Variants in DACH2 observed in about 807,000 individuals in gnomAD.
The protein encoded by DACH2 is dachshund family transcription factor 2.
A neutral mutation model predicts 35.8 loss-of-function variants in DACH2; 17 were observed. That is an observed-to-expected ratio of 0.48 (90% CI 0.33 to 0.71). DACH2 has a LOEUF of 0.71. DACH2 is among the 30% of genes least tolerant of loss of function. The pLI, the probability that DACH2 is intolerant of heterozygous loss-of-function variation, is 0.02. For synonymous variants in DACH2, 195 were observed against 177.3 expected (o/e 1.10, Z -0.79); for missense variants, 469 against 472.7 (o/e 0.99, Z 0.07).
chrX:86,722,525 T>TA (rs1367205790), intron 6 of DACH2, among the ~76,000 whole-genome samples: 1 of 109,412 alleles, frequency 9.1e-6, no homozygotes, highest in African/African-American at 3.3e-5. Context: ...ATGTGTTTTT[T>TA]TTTTTATTTT....
chrX:86,564,010 C>T (rs889516447), intron 3 of DACH2, among the ~76,000 whole-genome samples: 1 of 110,639 alleles, frequency 9.0e-6, no homozygotes, highest in African/African-American at 3.3e-5. Flanking sequence ...ATATGTACTA[C>T]ATCAATATAT....
chrX:86,220,185 AAAAAAAT>A lies in DACH2; in HGVS notation c.488+71078_488+71084del, dbSNP rs1410305035. Among the ~76,000 whole-genome samples the A allele has an allele frequency of 2.5e-4, 23 of 92,027 alleles. No individual in the cohort carries two copies. The South Asian group carries it at 5.6e-3, about 22-fold the overall frequency. The allele number at this position is 92,027 out of a possible 115,157, so 79.9% of individuals were successfully genotyped here. On this transcript the variant is annotated intron_variant, in intron 1 of 11. Transcript: ENST00000373125. ...CATCTCAAAAAAAAAAAAAAAAAAA[AAAAAAAT>A]TTCCCTCCCCTTTGTTGTGCATGTG...
intron 1 of DACH2, among the ~76,000 whole-genome samples, chrX:86,257,024 A>G (rs2033533461): frequency 8.9e-6 from 1 of 112,166 alleles, no homozygotes; most frequent in African/African-American, 3.2e-5. Flanking sequence ...AATTAGGATC[A>G]TAAGCTTTAC....
At chrX:86,635,328 TAAAA>T (rs77223425) in intron 3 of DACH2, among the ~76,000 whole-genome samples, 13,288 of 86,152 alleles carry the variant, frequency 0.15, 943 homozygotes, top group East Asian at 0.34. Context: ...TCCATAGTGT[TAAAA>T]AAAAAAAAAA....
chrX:86,401,835 C>A (rs1176074121), intron 2 of DACH2, among the ~76,000 whole-genome samples: 6 of 110,883 alleles, frequency 5.4e-5, no homozygotes, highest in African/African-American at 1.6e-4. Flanking sequence ...AGTTAATTTA[C>A]CACAATAAGG....
At chrX:86,181,267 T>C (rs1206712956) in intron 1 of DACH2, among the ~76,000 whole-genome samples, 1 of 110,062 alleles carries the variant, frequency 9.1e-6, no homozygotes, top group Non-Finnish European at 1.9e-5. Context: ...ACACATGCCA[T>C]GGTGGTTTGC....
At chrX:86,687,543 C>T (rs746541247) in intron 4 of DACH2, among the ~76,000 whole-genome samples, 1 of 111,767 alleles carries the variant, frequency 8.9e-6, no homozygotes, top group Admixed American at 9.5e-5. Flanking sequence ...CATTAGTGGG[C>T]ATATACCCAA....
At chrX:86,641,092 T>G (rs1198837761) in intron 3 of DACH2, among the ~76,000 whole-genome samples, 1 of 111,912 alleles carries the variant, frequency 8.9e-6, no homozygotes, top group East Asian at 2.8e-4. Context: ...CAAGAGTTCT[T>G]AACAAGGCAA....
intron 7 of DACH2, among the ~76,000 whole-genome samples, chrX:86,809,245 A>G (rs2042373304): frequency 9.0e-6 from 1 of 111,655 alleles, no homozygotes; most frequent in Non-Finnish European, 1.9e-5. Flanking sequence ...CAGCTTTTTA[A>G]ATAAAAAAAA....
At chrX:86,571,471 C>G (rs1454847295) in intron 3 of DACH2, among the ~76,000 whole-genome samples, 1 of 109,510 alleles carries the variant, frequency 9.1e-6, no homozygotes, top group Non-Finnish European at 1.9e-5. Flanking sequence ...CAACAGTCCC[C>G]GGTGTGTGAT....
At chrX:86,394,409 A>T (rs917572616) in intron 2 of DACH2, among the ~76,000 whole-genome samples, 2 of 111,731 alleles carry the variant, frequency 1.8e-5, no homozygotes, top group Non-Finnish European at 3.8e-5. Flanking sequence ...AAGAATATCA[A>T]TTGTTTTATG....
intron 2 of DACH2, among the ~76,000 whole-genome samples, chrX:86,498,009 A>C (rs1186738968): frequency 9.0e-6 from 1 of 111,385 alleles, no homozygotes; most frequent in African/African-American, 3.3e-5. Context: ...AAAAAAGTCA[A>C]TTATATACAA....
chrX:86,382,458 TCATACACACACACA>T (rs1252168374), intron 2 of DACH2, among the ~76,000 whole-genome samples: 2 of 58,540 alleles, frequency 3.4e-5, no homozygotes, highest in African/African-American at 1.0e-4. Context: ...TATGCTACAT[TCATACACACACACA>T]CACACACACA....
chrX:86,431,794 C>G (rs1258586652), intron 2 of DACH2, among the ~76,000 whole-genome samples: 1 of 111,560 alleles, frequency 9.0e-6, no homozygotes, highest in Non-Finnish European at 1.9e-5. Context: ...TAGACAGTGG[C>G]TATTTTGAAT....
intron 11 of DACH2, among the ~76,000 whole-genome samples, chrX:86,827,608 C>T (rs1265952069): frequency 9.0e-6 from 1 of 111,714 alleles, no homozygotes; most frequent in African/African-American, 3.2e-5. Flanking sequence ...TAAAATAATA[C>T]ATTAATTGCG....
At chrX:86,154,360 C>G (rs2030470742) in intron 1 of DACH2, among the ~76,000 whole-genome samples, 1 of 111,205 alleles carries the variant, frequency 9.0e-6, no homozygotes, top group Non-Finnish European at 1.9e-5. Context: ...AAACCTTTCC[C>G]TCAAAGCAAA....
chrX:86,764,663 C>T (rs1201487104), intron 7 of DACH2, among the ~76,000 whole-genome samples: 1 of 111,348 alleles, frequency 9.0e-6, no homozygotes, highest in Non-Finnish European at 1.9e-5. Flanking sequence ...CATGTCTCTG[C>T]TCTTGTGAAT....
chrX:86,309,829 C>T (rs2034761796), intron 1 of DACH2, among the ~76,000 whole-genome samples: 1 of 112,122 alleles, frequency 8.9e-6, no homozygotes, highest in African/African-American at 3.2e-5. Flanking sequence ...TGTGTTACTC[C>T]AGACCATTTA....
chrX:86,305,143 A>G (rs2034657588), intron 1 of DACH2: 1 of 134,153 alleles, frequency 7.5e-6, no homozygotes, highest in African/African-American at 3.2e-5. Flanking sequence ...CACCAGCCTC[A>G]CCCTTTTTGG....
Sources: gnomAD v4.1 joint callset for allele counts (sites outside exome capture counted in the v4.1 genomes callset) on GRCh38, gnomAD v4.1.1 for gene constraint, MANE v1.5 for transcripts, NCBI Gene and HGNC (gene_info 2026-07-23, HGNC 2026-07-21) for gene names.